The following MIDEAS variants were observed in gnomAD, a reference collection of about 807,000 sequenced individuals.
MIDEAS encodes mitotic deacetylase associated SANT domain protein, also known as mitotic deacetylase-associated SANT domain protein.
MIDEAS carries 26 observed loss-of-function variants against 102.7 expected under a neutral mutation model. The observed-to-expected ratio is 0.25, with a 90% confidence interval of 0.19 to 0.35. The LOEUF (loss-of-function observed/expected upper bound fraction) is 0.35. Ranked by LOEUF, MIDEAS falls within the 10% of genes least tolerant of loss-of-function variation. The probability of loss-of-function intolerance (pLI) is 1.00; values close to 1 mark genes in which losing one functional copy is unlikely to be tolerated. For synonymous variants in MIDEAS, 585 were observed against 591.0 expected (o/e 0.99, Z 0.15); for missense variants, 1,231 against 1,435.6 (o/e 0.86, Z 2.30).
intron 1 of MIDEAS, among the ~76,000 whole-genome samples, chr14:73,784,776 C>G (rs558376110): frequency 6.6e-6 from 1 of 152,330 alleles, no homozygotes; most frequent in Admixed American, 6.5e-5. Context: ...GCTGCTTTTG[C>G]TCAAACCTCA....
intron 1 of MIDEAS, among the ~76,000 whole-genome samples, chr14:73,780,699 T>C (rs1318977966): frequency 6.6e-6 from 1 of 152,220 alleles, no homozygotes; most frequent in Non-Finnish European, 1.5e-5. Flanking sequence ...TTCTCCTGCC[T>C]GTGTCTTGGG....
At chr14:73,753,109 C>A (rs1248103230) in intron 1 of MIDEAS, among the ~76,000 whole-genome samples, 1 of 152,240 alleles carries the variant, frequency 6.6e-6, no homozygotes, top group Non-Finnish European at 1.5e-5. Context: ...TGAAACCAAG[C>A]CTTTCCCCTC....
At position 73,742,908 on chromosome 14, in the gene MIDEAS, C is replaced by T. The variant is rs541113195; in HGVS notation, c.-247-2653G>A. Among the ~76,000 whole-genome samples the T allele has an allele frequency of 2.0e-5, 3 of 152,270 alleles. No homozygotes were observed. The East Asian group carries it at 5.8e-4, about 29-fold the overall frequency. On this transcript the variant is annotated intron_variant, in intron 1 of 12. Coordinates refer to ENST00000423556, the MANE Select transcript of MIDEAS (RefSeq NM_001367710.1). The surrounding 1 kb of genome is among the most constrained non-coding windows in gnomAD (Gnocchi z 4.4). ...AGGAGTAATGATGATGGTGATGGTGCACCCGTGCCAGGCAGATCCTACGTG... is the reference window on the plus strand; with the variant it reads ...AGGAGTAATGATGATGGTGATGGTGTACCCGTGCCAGGCAGATCCTACGTG...
rs368524786 is a variant in MIDEAS, at chr14:73,717,302, G to C, written c.*1541C>G. On this transcript the variant is annotated 3_prime_UTR_variant, in exon 13 of 13. Coordinates refer to ENST00000423556, the MANE Select transcript of MIDEAS (RefSeq NM_001367710.1). ...GTTGAATAAGATCAGAAAAATAGCT[G>C]AGCCCCGCTATGGGACTGGAAGTGA... 70 of 152,284 alleles carry C rather than the reference G, an allele frequency of 4.6e-4. No homozygotes were observed. Among genetic ancestry groups the C allele is most frequent in the African/African-American group, 1.6e-3 (65 of 41,554 alleles). The allele number at this position is 152,284 out of a possible 1,614,324, so 9.4% of individuals were successfully genotyped here. A position where few individuals can be genotyped will look rare whatever the true frequency, so the allele number is the denominator to read the frequency against.
chr14:73,761,427 T>C (rs1004922948), upstream of MIDEAS, among the ~76,000 whole-genome samples: 23 of 152,194 alleles, frequency 1.5e-4, no homozygotes, highest in Admixed American at 1.0e-3. Flanking sequence ...CTTCCACCTC[T>C]TTGCTGGCTG....
upstream of MIDEAS, chr14:73,787,466 G>C (rs575620206): frequency 6.6e-6 from 1 of 152,390 alleles, no homozygotes; most frequent in Non-Finnish European, 1.5e-5. Context: ...CCGCGCCGAA[G>C]TGCGATCCGG....
chr14:73,727,059 G>A, intron 5 of MIDEAS, 87 bp from the exon 6 acceptor site: 1 of 1,496,518 alleles, frequency 6.7e-7, no homozygotes, highest in South Asian at 1.3e-5. Flanking sequence ...AGAAGATGAG[G>A]GGGAGCCGGC....
At chr14:73,748,878 C>A (rs775818237) in intron 1 of MIDEAS, among the ~76,000 whole-genome samples, 1 of 152,096 alleles carries the variant, frequency 6.6e-6, no homozygotes, top group African/African-American at 2.4e-5. Context: ...GGAGGCTATA[C>A]CAGTTATAGA....
In MIDEAS at chr14:73,722,942, A is replaced by G. The variant is rs1595252371; in HGVS notation, c.2575-95T>C. On this transcript the variant is annotated intron_variant, in intron 9 of 12. Coordinates refer to ENST00000423556, the MANE Select transcript of MIDEAS (RefSeq NM_001367710.1). Reference sequence around the variant, plus strand: ...TTCTCGTCCCTGCATCTTTCCCTTAACTTCAAGCCAAAATGAAACCCAGCC... The same window carrying G: ...TTCTCGTCCCTGCATCTTTCCCTTAGCTTCAAGCCAAAATGAAACCCAGCC... 33 of 1,455,714 alleles carry G rather than the reference A, an allele frequency of 2.3e-5. No homozygotes were observed. The East Asian group carries it at 7.6e-4, about 34-fold the overall frequency. The allele number at this position is 1,455,714 out of a possible 1,614,324, so 90.2% of individuals were successfully genotyped here.
At chr14:73,728,853 C>G (rs1595258025) in intron 4 of MIDEAS, 1 of 152,424 alleles carries the variant, frequency 6.6e-6, no homozygotes, top group East Asian at 1.9e-4. Flanking sequence ...GGAGAAGCCT[C>G]CCCAGGAAGC....
In MIDEAS at chr14:73,738,923, C is replaced by G. The variant is rs1351803457; in HGVS notation, c.1086G>C (p.Gly362=). ...CCTCCTGCCCAGGCTGGGTGCCAGC[C>G]CCATCCAGGGCGCTGGGAGGCAGGA... ...EGILPPSALD[G]AGTQPGQEAT... Residue 362 remains glycine (G), a synonymous_variant, in exon 2 of 13, where the codon GGG becomes GGC. Transcript: ENST00000423556. 1.3e-6 allele frequency: 2 copies of G among 1,529,324 alleles called. No homozygotes were observed. The highest frequency in any genetic ancestry group is 1.8e-6 in the Non-Finnish European group (2 of 1,140,612). The allele number at this position is 1,529,324 out of a possible 1,614,324, so 94.7% of individuals were successfully genotyped here.
chr14:73,767,745 G>A lies in MIDEAS; in HGVS notation c.-248+19357C>T, dbSNP rs146047310. 1.1e-3 allele frequency among the ~76,000 whole-genome samples: 167 copies of A among 152,340 alleles called. 1 individual carries two copies. Among genetic ancestry groups the A allele is most frequent in the East Asian group, 3.7e-3 (19 of 5,194 alleles). On this transcript the variant is annotated intron_variant, in intron 1 of 11. Coordinates refer to the MIDEAS transcript ENST00000394071. ...GAAACTCCCATGAAAGTAGGCCCAT[G>A]TAATGTGGAACAAGCTCTGCACTGG...
Position 73,741,967 on chromosome 14 carries a change from C to T in MIDEAS, c.-247-1712G>A, listed in dbSNP as rs80160896. On this transcript the variant is annotated intron_variant, in intron 1 of 12. Coordinates refer to ENST00000423556, the MANE Select transcript of MIDEAS (RefSeq NM_001367710.1). ...GATTTGGACAAGAAGTGCAGAGCTG[C>T]GGGCTGCAGAAACAACCTTTCTCTT... is the stretch of plus-strand genomic sequence containing the variant. 4.3e-3 allele frequency among the ~76,000 whole-genome samples: 657 copies of T among 152,236 alleles called. 2 individuals carry two copies. Among genetic ancestry groups the T allele is most frequent in the African/African-American group, 0.015 (632 of 41,528 alleles).
chr14:73,764,873 G>C (rs1352069583), upstream of MIDEAS, among the ~76,000 whole-genome samples: 1 of 152,222 alleles, frequency 6.6e-6, no homozygotes, highest in Non-Finnish European at 1.5e-5. Flanking sequence ...CCTGGGCCAG[G>C]TTCTGAGTGC....
chr14:73,738,319 C>T (rs2053230706), intron 2 of MIDEAS, among the ~76,000 whole-genome samples: 1 of 152,122 alleles, frequency 6.6e-6, no homozygotes, highest in Admixed American at 6.5e-5. Context: ...ATCACTTGAA[C>T]CCGGTGATCT....
Position 73,729,905 on chromosome 14 carries a change from G to T in MIDEAS, c.1830C>A (p.Ile610=). The change falls in exon 4 of 13, where the codon ATC becomes ATA. Residue 610 remains isoleucine, a synonymous_variant. Transcript: ENST00000423556. ...TGAAAGTGCCCGCCTTGGTGGGGAT[G>T]ATGAGGGGCTCGGGCCTGGGCCGCT... ...PKQRPRPEPL[I]IPTKAGTFIA... 6.2e-7 allele frequency: 1 copy of T among 1,612,642 alleles called. No individual in the cohort carries two copies. Among genetic ancestry groups the T allele is most frequent in the Non-Finnish European group, 8.5e-7 (1 of 1,179,030 alleles).
chr14:73,731,045 G>C (rs561314423), intron 3 of MIDEAS, among the ~76,000 whole-genome samples: 1 of 152,332 alleles, frequency 6.6e-6, no homozygotes, highest in African/African-American at 2.4e-5. Flanking sequence ...AATCCTACTA[G>C]GAAAGTCTAG....
intron 3 of MIDEAS, among the ~76,000 whole-genome samples, chr14:73,734,736 G>C (rs1595263845): frequency 6.6e-6 from 1 of 152,098 alleles, no homozygotes. Flanking sequence ...CTGGCCTCCT[G>C]TGCATTTTTA....
chr14:73,777,786 C>G (rs2053704913), intron 1 of MIDEAS, among the ~76,000 whole-genome samples: 1 of 151,956 alleles, frequency 6.6e-6, no homozygotes, highest in South Asian at 2.1e-4. Flanking sequence ...TCCTGACATG[C>G]CTCTCTCTCC....
Sources: allele counts gnomAD v4.1 joint callset (sites outside exome capture counted in the v4.1 genomes callset), GRCh38; gene constraint gnomAD v4.1.1; non-coding constraint Gnocchi (gnomAD v3.1); transcripts MANE v1.5; gene names NCBI Gene and HGNC (gene_info 2026-07-23, HGNC 2026-07-21).